The following STK3 variants were observed in gnomAD, a reference collection of about 807,000 sequenced individuals.
The protein encoded by STK3 is serine/threonine-protein kinase 3.
A neutral mutation model predicts 58.0 loss-of-function variants in STK3; 41 were observed. The ratio of observed to expected loss-of-function variants is 0.71; its 90% CI spans 0.55 to 0.92. The LOEUF is 0.92. STK3 is among the 40% of genes least tolerant of loss of function. The pLI is 0.00. For missense variants in STK3, 479 were observed against 602.7 expected, an observed-to-expected ratio of 0.79 and a Z score of 2.15; for synonymous variants, 170 against 191.0, an observed-to-expected ratio of 0.89 and a Z score of 0.91.
chr8:98,873,789 T>G (rs936789991), intron 3 of STK3, among the ~76,000 whole-genome samples: 11 of 152,200 alleles, frequency 7.2e-5, no homozygotes, highest in Non-Finnish European at 1.0e-4. Flanking sequence ...GTCTTGACTT[T>G]TTATCCAGTT....
chr8:98,431,824 ACTAT>A (rs146255903), intron 3 of STK3: 124 of 167,130 alleles, frequency 7.4e-4, no homozygotes, highest in African/African-American at 2.8e-3. Flanking sequence ...TGCTTTAGAG[ACTAT>A]CTTTTTAACA....
chr8:98,411,587 A>G (rs1818058079), intron 3 of STK3, among the ~76,000 whole-genome samples: 1 of 151,972 alleles, frequency 6.6e-6, no homozygotes, highest in South Asian at 2.1e-4. Flanking sequence ...CCAACAAAAG[A>G]CTCTGCCCCT....
In STK3 at chr8:98,454,906, A is replaced by G. The variant is rs1246212082; in HGVS notation, c.*936T>C. ...CATGATGTTTACCAATTCCCAGGAA[A>G]TGAATAAAATCAACAGAAACATCCT... On this transcript the variant is annotated 3_prime_UTR_variant, in exon 11 of 11. Transcript: ENST00000419617. 1 of 152,494 alleles carries G rather than the reference A, an allele frequency of 6.6e-6. No individual in the cohort carries two copies. Among genetic ancestry groups the G allele is most frequent in the Non-Finnish European group, 1.5e-5 (1 of 68,024 alleles). The allele number at this position is 152,494 out of a possible 1,614,324, so 9.4% of individuals were successfully genotyped here.
intron 9 of STK3, among the ~76,000 whole-genome samples, chr8:98,532,140 C>T (rs537832135): frequency 6.6e-6 from 1 of 152,332 alleles, no homozygotes; most frequent in East Asian, 1.9e-4. Flanking sequence ...GCCTAGCTTT[C>T]ACCCAGTCTC....
At chr8:98,676,621 A>C (rs1012739141) in intron 6 of STK3, among the ~76,000 whole-genome samples, 10 of 152,148 alleles carry the variant, frequency 6.6e-5, no homozygotes, top group Admixed American at 4.6e-4. Context: ...CTTTAAAAAA[A>C]AAAAAAAAGT....
chr8:98,656,490 A>G (rs1289531507), intron 6 of STK3, among the ~76,000 whole-genome samples: 2 of 152,172 alleles, frequency 1.3e-5, no homozygotes, highest in Admixed American at 6.5e-5. Flanking sequence ...TATAATAAAA[A>G]AAAAAGTTTC....
At position 98,800,553 on chromosome 8, in the gene STK3, G is replaced by C. The variant is rs987293391; in HGVS notation, c.26+24962C>G. On this transcript the variant is annotated intron_variant, in intron 1 of 10. Coordinates refer to ENST00000419617, the MANE Select transcript of STK3 (RefSeq NM_006281.4). The surrounding 1 kb of genome is among the most constrained non-coding windows in gnomAD (Gnocchi z 4.8). Reference sequence around the variant, plus strand: ...CCCCTCTCTGGGCTGGCCAAGGCCGGAGCCGGCTCCCTCTGCTTGCGGGAA... The same window carrying C: ...CCCCTCTCTGGGCTGGCCAAGGCCGCAGCCGGCTCCCTCTGCTTGCGGGAA... Among the ~76,000 whole-genome samples, 17 of 152,240 alleles carry C rather than the reference G, an allele frequency of 1.1e-4. No homozygotes were observed. Among genetic ancestry groups the C allele is most frequent in the African/African-American group, 3.6e-4 (15 of 41,468 alleles).
At chr8:98,638,578 T>G (rs180950029) in intron 6 of STK3, 1 of 152,192 alleles carries the variant, frequency 6.6e-6, no homozygotes, top group African/African-American at 2.4e-5. Context: ...AGAATGGGAA[T>G]AGAAAGGACT....
At chr8:98,386,343 T>G (rs1378077733) in intron 1 of STK3, among the ~76,000 whole-genome samples, 1 of 152,190 alleles carries the variant, frequency 6.6e-6, no homozygotes, top group Non-Finnish European at 1.5e-5. Context: ...GGAAACTGGT[T>G]GAGTAAATGA....
At chr8:98,695,748 A>G (rs1448288370) in intron 6 of STK3, among the ~76,000 whole-genome samples, 2 of 152,166 alleles carry the variant, frequency 1.3e-5, no homozygotes, top group African/African-American at 2.4e-5. Flanking sequence ...TGGTACCAGT[A>G]CCATGCTGTT....
intron 6 of STK3, among the ~76,000 whole-genome samples, chr8:98,645,255 A>C (rs1400037201): frequency 6.6e-6 from 1 of 152,252 alleles, no homozygotes; most frequent in Admixed American, 6.5e-5. Flanking sequence ...AAAAATCACC[A>C]GTAATGTCTT....
chr8:98,614,716 G>C (rs1439823952), intron 6 of STK3, among the ~76,000 whole-genome samples: 1 of 152,182 alleles, frequency 6.6e-6, no homozygotes, highest in Non-Finnish European at 1.5e-5. Flanking sequence ...CTGGAAAATC[G>C]GGTCACTCTC....
At chr8:98,873,377 C>T (rs910366270) in intron 3 of STK3, among the ~76,000 whole-genome samples, 3 of 152,198 alleles carry the variant, frequency 2.0e-5, no homozygotes, top group African/African-American at 7.2e-5. Flanking sequence ...GAGTTGAGTT[C>T]AATTCCTGGA....
intron 3 of STK3, among the ~76,000 whole-genome samples, chr8:98,873,590 G>A (rs1363087244): frequency 1.3e-5 from 2 of 152,092 alleles, no homozygotes; most frequent in Non-Finnish European, 2.9e-5. Flanking sequence ...TTACCATTAT[G>A]TAATGGCCTT....
chr8:98,887,873 T>A (rs1255677305), intron 1 of STK3, among the ~76,000 whole-genome samples: 3 of 152,194 alleles, frequency 2.0e-5, no homozygotes, highest in African/African-American at 4.8e-5. Flanking sequence ...GGAGAACACA[T>A]GGCTCGAGGC....
At chr8:98,927,010 T>C (rs1428564969) in intron 1 of STK3, among the ~76,000 whole-genome samples, 1 of 152,140 alleles carries the variant, frequency 6.6e-6, no homozygotes, top group Non-Finnish European at 1.5e-5. Flanking sequence ...ATGAAGTTTA[T>C]AGTGTGTCCT....
chr8:98,687,142 A>G (rs1446224665), intron 6 of STK3, among the ~76,000 whole-genome samples: 1 of 152,190 alleles, frequency 6.6e-6, no homozygotes, highest in African/African-American at 2.4e-5. Flanking sequence ...AGACCATCCA[A>G]GGTCACCCAA....
rs143508488 is a variant in STK3, at chr8:98,905,124, G to A, written c.-78-21290C>T. The A allele has an allele frequency of 1.5e-4, 219 of 1,442,624 alleles. No individual in the cohort carries two copies. The East Asian group carries it at 4.9e-3, about 33-fold the overall frequency. 89.4% of individuals were successfully genotyped at this position (1,442,624 alleles called of 1,614,324 possible). ...CTCAGTAAAGTCTGCCACACGACCCGTACGATCTACTGGGCACTCTTTGGA... is the reference window on the plus strand; with the variant it reads ...CTCAGTAAAGTCTGCCACACGACCCATACGATCTACTGGGCACTCTTTGGA... On this transcript the variant is annotated intron_variant, in intron 1 of 1. Coordinates refer to the STK3 transcript ENST00000519420.
At chr8:98,427,975 C>G (rs1260531675) in intron 3 of STK3, 2 of 1,517,616 alleles carry the variant, frequency 1.3e-6, no homozygotes, top group Admixed American at 2.2e-5. Flanking sequence ...GCCGGCGCCT[C>G]CAGCATGACC....
Sources: allele counts gnomAD v4.1 joint callset (sites outside exome capture counted in the v4.1 genomes callset), GRCh38; gene constraint gnomAD v4.1.1; non-coding constraint Gnocchi (gnomAD v3.1); transcripts MANE v1.5; gene names NCBI Gene and HGNC (gene_info 2026-07-23, HGNC 2026-07-21).